Variants in SVEP1 observed in about 807,000 individuals in gnomAD.
The protein encoded by SVEP1 is sushi, von Willebrand factor type A, EGF and pentraxin domain-containing protein 1.
In SVEP1, 164 loss-of-function variants were observed where a neutral mutation model predicts 367.3. The ratio of observed to expected loss-of-function variants is 0.45; its 90% confidence interval spans 0.39 to 0.51. The LOEUF is 0.51. SVEP1 is among the 20% of genes least tolerant of loss of function. SVEP1 has a pLI of 0.00. For missense variants in SVEP1, 4,117 were observed against 4,425.3 expected (o/e 0.93, Z 1.98); for synonymous variants, 1,666 against 1,611.6 (o/e 1.03, Z -0.81).
chr9:110,389,579 C>G lies in SVEP1; in HGVS notation c.9831G>C (p.Arg3277Ser). ...CEPGYELEGN[R>S]ERVCQENRQW... ...GTCTGTTCTCCTGGCAGACACGTTC[C>G]CTGTTCCCCTGTGAAACAATGGAGA... is the stretch of plus-strand genomic sequence containing the variant. Residue 3277 changes from arginine (R) to serine (S), a missense_variant, in exon 41 of 48, where the codon AGG (arginine) becomes AGC (serine). Arg to Ser is a moderately radical substitution (Grantham distance 110, BLOSUM62 -1). Transcript: ENST00000374469. The G allele has an allele frequency of 5.0e-6, 8 of 1,613,690 alleles. No homozygotes were observed. The highest frequency in any genetic ancestry group is 6.8e-6 in the Non-Finnish European group (8 of 1,179,750).
At chr9:110,511,806 G>C (rs1385466765) in intron 5 of SVEP1, among the ~76,000 whole-genome samples, 4 of 152,078 alleles carry the variant, frequency 2.6e-5, no homozygotes, top group African/African-American at 9.7e-5. Flanking sequence ...GGAGTCATGA[G>C]TAGGTGGTTC....
At chr9:110,400,684 C>T (rs779039846) in intron 40 of SVEP1, among the ~76,000 whole-genome samples, 170 bp downstream of exon 40, 1 of 152,148 alleles carries the variant, frequency 6.6e-6, no homozygotes, top group Non-Finnish European at 1.5e-5. Context: ...CTTTTTAAAA[C>T]TCTAAGTTGC....
At chr9:110,456,520 T>G (rs1828777877) in intron 21 of SVEP1, among the ~76,000 whole-genome samples, 1 of 152,246 alleles carries the variant, frequency 6.6e-6, no homozygotes, top group Non-Finnish European at 1.5e-5. Flanking sequence ...ATATTCTAGA[T>G]AGATCTTGGC....
At chr9:110,570,048 A>G (rs10980452) in intron 1 of SVEP1, among the ~76,000 whole-genome samples, 16,695 of 152,230 alleles carry the variant, frequency 0.11, 1,137 homozygotes, top group East Asian at 0.33. Flanking sequence ...AACAACATTC[A>G]TGCTAAACAA....
intron 24 of SVEP1, among the ~76,000 whole-genome samples, chr9:110,448,773 C>T (rs1050000181): frequency 1.4e-4 from 21 of 152,208 alleles, no homozygotes; most frequent in South Asian, 2.1e-4. Context: ...TCATTGTCTA[C>T]AGTTATGTAC....
At position 110,579,430 on chromosome 9, in the gene SVEP1, G is replaced by C. The variant is rs750372212; in HGVS notation, c.114C>G (p.Thr38=). ...RNFSFRLFPE[T]APGAPGSIPA... ...GGATACTCCCGGGGGCCCCGGGCGC[G>C]GTCTCGGGGAAGAGGCGGAAGCTGA... Residue 38 remains threonine, a synonymous_variant, in exon 1 of 48, where the codon ACC becomes ACG. Coordinates refer to ENST00000374469, the MANE Select transcript of SVEP1 (RefSeq NM_153366.4). The surrounding 1 kb of genome is among the most constrained non-coding windows in gnomAD (Gnocchi z 5.3). 1 of 1,589,388 alleles carries C rather than the reference G, an allele frequency of 6.3e-7. No individual in the cohort carries two copies. Among genetic ancestry groups the C allele is most frequent in the Admixed American group, 1.8e-5 (1 of 56,718 alleles).
intron 1 of SVEP1, among the ~76,000 whole-genome samples, chr9:110,568,464 T>C (rs1425148860): frequency 1.3e-5 from 2 of 152,238 alleles, no homozygotes; most frequent in Admixed American, 1.3e-4. Context: ...TATACTTTTA[T>C]TGCAAACATA....
At position 110,386,035 on chromosome 9, in the gene SVEP1, G is replaced by A; in HGVS notation, c.10100C>T (p.Ala3367Val). Residue 3367 changes from alanine to valine, a missense_variant, in exon 43 of 48, where the codon GCT becomes GTT. Transcript: ENST00000374469. ...CPVPFVIPEN[A>V]LLSEKEFYVD... ...ATAAAACTCCTTTTCAGACAGCAGAGCATTCTCGGGAATCACAAAAGGAAC... is the reference window on the plus strand; with the variant it reads ...ATAAAACTCCTTTTCAGACAGCAGAACATTCTCGGGAATCACAAAAGGAAC... 1.2e-6 allele frequency: 2 copies of A among 1,613,658 alleles called. No individual in the cohort carries two copies. The highest frequency in any genetic ancestry group is 1.7e-6 in the Non-Finnish European group (2 of 1,179,742).
intron 46 of SVEP1, 78 bp from the exon 47 acceptor site, chr9:110,370,094 G>C (rs1170890375): frequency 2.3e-6 from 3 of 1,298,838 alleles, no homozygotes; most frequent in Non-Finnish European, 3.3e-6. Context: ...CGTAGGATAA[G>C]ATTTGACTCT....
At chr9:110,401,076 A>G in intron 39 of SVEP1, 67 bp from the exon 40 acceptor site, 1 of 1,572,208 alleles carries the variant, frequency 6.4e-7, no homozygotes, top group Non-Finnish European at 8.6e-7. Context: ...AGAAATTTGC[A>G]AATATTGGTT....
intron 23 of SVEP1, among the ~76,000 whole-genome samples, chr9:110,450,678 T>A (rs113841052): frequency 3.3e-5 from 5 of 151,960 alleles, no homozygotes; most frequent in African/African-American, 1.2e-4. Flanking sequence ...TTTCACCATG[T>A]TGGCCGAGGT....
Position 110,459,040 on chromosome 9 carries a change from T to C in SVEP1, c.3396A>G (p.Gln1132=), listed in dbSNP as rs1828818297. 1.2e-6 allele frequency: 2 copies of C among 1,613,688 alleles called. No homozygotes were observed. The highest frequency in any genetic ancestry group is 1.3e-5 in the African/African-American group (1 of 74,904). ...PCHPCPRDYY[Q]PNAGKAFCLA... ...GGCAGAAGGCCTTCCCTGCATTAGG[T>C]TGGTAATAGTCACGAGGACATGGGT... Residue 1132 remains glutamine, a synonymous_variant, in exon 19 of 48, where the codon CAA becomes CAG. Coordinates refer to ENST00000374469, the MANE Select transcript of SVEP1 (RefSeq NM_153366.4).
At position 110,546,303 on chromosome 9, in the gene SVEP1, A is replaced by G; in HGVS notation, c.788-12T>C. ...CCCAGAAGGTAGATCTACAAATAAC[A>G]TATGACAGAGGGCGATAAAAATGAG... On this transcript the variant is annotated splice_polypyrimidine_tract_variant and intron_variant, in intron 2 of 47. Coordinates refer to ENST00000374469, the MANE Select transcript of SVEP1 (RefSeq NM_153366.4). 6.4e-7 allele frequency: 1 copy of G among 1,574,410 alleles called. No individual in the cohort carries two copies. Among genetic ancestry groups the G allele is most frequent in the South Asian group, 1.2e-5 (1 of 85,402 alleles).
chr9:110,512,888 G>T, intron 5 of SVEP1, 38 bp downstream of exon 5: 1 of 1,610,864 alleles, frequency 6.2e-7, no homozygotes, highest in South Asian at 1.1e-5. Flanking sequence ...AATCAGGCAA[G>T]ACAGTAAATA....
rs1415252790 is a variant in SVEP1 at position 110,408,510 on chromosome 9, A to G, written c.7090T>C (p.Leu2364=). Residue 2364 remains leucine (L), a synonymous_variant, in exon 38 of 48, where the codon TTG becomes CTG. Coordinates refer to ENST00000374469, the MANE Select transcript of SVEP1 (RefSeq NM_153366.4). ...VLQGPSVLKC[L]PSQQWNDSFP... ...GAGTCATTCCATTGCTGGGATGGCA[A>G]GCATTTCAGGACAGAGGGGCCTTGC... 9 of 1,613,982 alleles carry G rather than the reference A, an allele frequency of 5.6e-6. No individual in the cohort carries two copies. Among genetic ancestry groups the G allele is most frequent in the Non-Finnish European group, 6.8e-6 (8 of 1,179,884 alleles).
chr9:110,423,712 A>T (rs188274799), intron 36 of SVEP1, among the ~76,000 whole-genome samples: 5 of 152,192 alleles, frequency 3.3e-5, no homozygotes, highest in Admixed American at 3.3e-4. Flanking sequence ...TAGAGTAAAA[A>T]CGAAGCCACA....
At chr9:110,459,537 A>AT (rs779568309) in intron 18 of SVEP1, among the ~76,000 whole-genome samples, 171 of 152,182 alleles carry the variant, frequency 1.1e-3, no homozygotes, top group Non-Finnish European at 2.2e-3. Flanking sequence ...GCTGAAGTAA[A>AT]TTTTTTGCAT....
Position 110,579,375 on chromosome 9 carries a change from C to T in SVEP1, c.169G>A (p.Ala57Thr), listed in dbSNP as rs773485880. Residue 57 changes from alanine to threonine, a missense_variant, in exon 1 of 48, where the codon GCG becomes ACG. Ala to Thr is a moderately conservative substitution (Grantham distance 58). Transcript: ENST00000374469. This position sits in a 1 kb window ranked among gnomAD's most constrained non-coding sequence, Gnocchi z 5.3. ...PAPPAPGDEA[A>T]GSRVERLGQA... Reference sequence around the variant, plus strand: ...CCCAGCCGCTCCACTCTGCTCCCCGCCGCTTCGTCGCCAGGAGCGGGCGGC... The same window carrying T: ...CCCAGCCGCTCCACTCTGCTCCCCGTCGCTTCGTCGCCAGGAGCGGGCGGC... 6 of 1,562,218 alleles carry T rather than the reference C, an allele frequency of 3.8e-6. No homozygotes were observed. In the African/African-American group the frequency reaches 5.4e-5, roughly 14 times the overall value.
chr9:110,450,183 C>A lies in SVEP1; in HGVS notation c.3979G>T (p.Gly1327Trp). ...GGTGGGCATTTGCACAAGAATCCCC[C>A]AACCTGGTCTTCACAGACTGCATTA... Reference protein sequence around the residue: ...LNNAVCEDQVGGFLCKCPPGF... With the variant: ...LNNAVCEDQVWGFLCKCPPGF... Residue 1327 changes from glycine to tryptophan, a missense_variant, in exon 24 of 48, where the codon GGG becomes TGG. Gly to Trp is a radical substitution (Grantham distance 184). Coordinates refer to ENST00000374469, the MANE Select transcript of SVEP1 (RefSeq NM_153366.4). 6.2e-7 allele frequency: 1 copy of A among 1,613,922 alleles called. No individual in the cohort carries two copies. The highest frequency in any genetic ancestry group is 8.5e-7 in the Non-Finnish European group (1 of 1,179,840).
Sources: allele counts gnomAD v4.1 joint callset (sites outside exome capture counted in the v4.1 genomes callset), GRCh38; gene constraint gnomAD v4.1.1; non-coding constraint Gnocchi (gnomAD v3.1); transcripts MANE v1.5; gene names NCBI Gene and HGNC (gene_info 2026-07-23, HGNC 2026-07-21).